KIF14: variants seen among roughly 807,000 people sequenced by gnomAD.
KIF14 encodes the protein kinesin family member 14.
Under a neutral mutation model 176.2 loss-of-function variants are expected in KIF14, and 98 were observed. The ratio of observed to expected loss-of-function variants is 0.56; its 90% confidence interval spans 0.47 to 0.66. KIF14 has a LOEUF of 0.66. Ranked by LOEUF, KIF14 falls within the 30% of genes least tolerant of loss-of-function variation. The pLI, the probability that KIF14 is intolerant of heterozygous loss-of-function variation, is 0.00. For synonymous variants in KIF14, 566 were observed against 632.2 expected (o/e 0.90, Z 1.57); for missense variants, 1,751 against 1,920.4 (o/e 0.91, Z 1.65).
intron 23 of KIF14, among the ~76,000 whole-genome samples, chr1:200,568,738 C>T (rs114804119): frequency 0.028 from 4,330 of 152,228 alleles, 275 homozygotes; most frequent in East Asian, 0.23. Flanking sequence ...TGGCTTTTGT[C>T]ACCATAGTTT....
chr1:200,563,709 A>G (rs1488924729), intron 25 of KIF14, among the ~76,000 whole-genome samples: 7 of 152,122 alleles, frequency 4.6e-5, no homozygotes, highest in Admixed American at 3.9e-4. Context: ...TTAATTTCTT[A>G]TCTGCTCCTT....
At chr1:200,568,323 CAT>C (rs1171320852) in intron 23 of KIF14, among the ~76,000 whole-genome samples, 1 of 152,148 alleles carries the variant, frequency 6.6e-6, no homozygotes, top group Non-Finnish European at 1.5e-5. Flanking sequence ...ACCACAGATA[CAT>C]ATCTTTTTAT....
intron 11 of KIF14, among the ~76,000 whole-genome samples, chr1:200,600,765 C>A (rs114368440): frequency 6.6e-6 from 1 of 152,138 alleles, no homozygotes; most frequent in Non-Finnish European, 1.5e-5. Context: ...CAAAGTGGAA[C>A]ACTTTTGAGA....
chr1:200,589,671 CTTTTTTTTTTTTTTTTT>C (rs1204882989), intron 17 of KIF14, among the ~76,000 whole-genome samples: 9 of 76,530 alleles, frequency 1.2e-4, no homozygotes, highest in Admixed American at 1.1e-3. Flanking sequence ...CAACTTTTTT[CTTTTTTTTTTTTTTTTT>C]TTTTTTTTTG....
At chr1:200,572,544 C>T (rs555631273) in intron 22 of KIF14, among the ~76,000 whole-genome samples, 11 of 152,172 alleles carry the variant, frequency 7.2e-5, no homozygotes, top group African/African-American at 9.6e-5. Context: ...GGGGTTTCAC[C>T]GTGTTAGCCA....
Position 200,602,097 on chromosome 1 carries a change from C to G in KIF14, c.1980-29G>C, listed in dbSNP as rs773291300. The G allele has an allele frequency of 3.1e-6, 5 of 1,591,444 alleles. No individual in the cohort carries two copies. The Admixed American group carries it at 8.6e-5, about 27-fold the overall frequency. On this transcript the variant is annotated intron_variant, in intron 10 of 29. Transcript: ENST00000367350. ...CAAGAAAAAAAGTCATAAGACTTTG[C>G]TTCTACAACAACTTAATAACAGTAA...
chr1:200,586,256 C>T (rs1426095190), intron 18 of KIF14, 29 bp from the exon 19 acceptor site: 21 of 1,504,050 alleles, frequency 1.4e-5, no homozygotes, highest in Non-Finnish European at 1.8e-5. Flanking sequence ...TACAGACCCA[C>T]ATGTGAGAAT....
intron 11 of KIF14, 128 bp downstream of exon 11, chr1:200,601,768 C>T (rs1659637933): frequency 1.5e-6 from 1 of 655,454 alleles, no homozygotes; most frequent in Non-Finnish European, 2.6e-6. Context: ...AGGCTGATGA[C>T]TAGAATCTAT....
chr1:200,607,301 G>A (rs1177796323), intron 5 of KIF14, among the ~76,000 whole-genome samples: 3 of 151,894 alleles, frequency 2.0e-5, no homozygotes, highest in East Asian at 2.0e-4. Context: ...CACCACACCA[G>A]CTAACTTTTG....
chr1:200,580,304 T>C lies in KIF14; in HGVS notation c.3415A>G (p.Ser1139Gly). Reference sequence around the variant, plus strand: ...AGTTTAGATTCAAACTTTTCCAGACTCCAGAATGTTGAGATTCCTAGTTTC... The same window carrying C: ...AGTTTAGATTCAAACTTTTCCAGACCCCAGAATGTTGAGATTCCTAGTTTC... ...NLKLGISTFWSLEKFESKLAA... is the reference protein window; with the variant it reads ...NLKLGISTFWGLEKFESKLAA... The change falls in exon 21 of 30, where the codon AGT becomes GGT. Residue 1139 changes from serine to glycine, a missense_variant. Physicochemically the swap from Ser to Gly is moderately conservative, Grantham distance 56. Coordinates refer to ENST00000367350, the MANE Select transcript of KIF14 (RefSeq NM_014875.3). The C allele has an allele frequency of 6.6e-7, 1 of 1,523,832 alleles. No homozygotes were observed. Among genetic ancestry groups the C allele is most frequent in the Non-Finnish European group, 8.9e-7 (1 of 1,129,054 alleles). 94.4% of individuals were successfully genotyped at this position (1,523,832 alleles called of 1,614,324 possible). A position where few individuals can be genotyped will look rare whatever the true frequency, so the allele number is the denominator to read the frequency against.
intron 19 of KIF14, among the ~76,000 whole-genome samples, chr1:200,584,245 T>TA (rs141190807): frequency 0.077 from 11,385 of 147,628 alleles, 628 homozygotes; most frequent in Non-Finnish European, 0.12. Context: ...CTCACAGGAC[T>TA]TAATGGCTTC....
chr1:200,576,514 C>T (rs1414432187), intron 21 of KIF14, among the ~76,000 whole-genome samples: 2 of 150,426 alleles, frequency 1.3e-5, no homozygotes, highest in African/African-American at 4.9e-5. Context: ...GTAAGTTAAA[C>T]CTAGGGTAAT....
At chr1:200,603,808 T>C (rs768513529) in intron 9 of KIF14, 31 bp downstream of exon 9, 1 of 1,333,064 alleles carries the variant, frequency 7.5e-7, no homozygotes, top group African/African-American at 1.4e-5. Flanking sequence ...GGAATAAATT[T>C]CATCAAAAGG....
intron 13 of KIF14, among the ~76,000 whole-genome samples, chr1:200,599,013 C>T (rs370422067): frequency 6.6e-6 from 1 of 152,148 alleles, no homozygotes; most frequent in Non-Finnish European, 1.5e-5. Context: ...TAGAATAGAT[C>T]AGTTTGTTTT....
At chr1:200,565,713 T>A in intron 23 of KIF14, 44 bp from the exon 24 acceptor site, 1 of 1,278,496 alleles carries the variant, frequency 7.8e-7, no homozygotes, top group South Asian at 1.5e-5. Flanking sequence ...TTTTCAGGAA[T>A]AATACTTTCT....
At chr1:200,612,671 A>C (rs75659415) in intron 4 of KIF14, among the ~76,000 whole-genome samples, 3,560 of 152,254 alleles carry the variant, frequency 0.023, 51 homozygotes, top group Non-Finnish European at 0.035. Context: ...GTATATCCAC[A>C]GAAGAGACAG....
chr1:200,562,321 T>C lies in KIF14; in HGVS notation c.4072-1441A>G, dbSNP rs570823008. Among the ~76,000 whole-genome samples, 189 of 152,076 alleles carry C rather than the reference T, an allele frequency of 1.2e-3. 3 individuals carry two copies. The highest frequency in any genetic ancestry group is 1.5e-3 in the Non-Finnish European group (102 of 68,022). On this transcript the variant is annotated intron_variant, in intron 25 of 29. Coordinates refer to ENST00000367350, the MANE Select transcript of KIF14 (RefSeq NM_014875.3). Reference sequence around the variant, plus strand: ...AGTTCAAAGTGTTCTTCTCAGAAAATGAAAAGAAGGAAAGAAACTACACAC... The same window carrying C: ...AGTTCAAAGTGTTCTTCTCAGAAAACGAAAAGAAGGAAAGAAACTACACAC...
intron 22 of KIF14, among the ~76,000 whole-genome samples, chr1:200,574,873 C>T (rs796937074): frequency 6.6e-6 from 1 of 150,584 alleles, no homozygotes; most frequent in African/African-American, 2.4e-5. Flanking sequence ...AGCTTTACTG[C>T]ATTTAAAATT....
chr1:200,618,252 T>C lies in KIF14; in HGVS notation c.472A>G (p.Lys158Glu). Residue 158 changes from lysine to glutamate, a missense_variant, in exon 2 of 30, where the codon AAG becomes GAG. Lys to Glu is a moderately conservative substitution (Grantham distance 56, BLOSUM62 1). Coordinates refer to ENST00000367350, the MANE Select transcript of KIF14 (RefSeq NM_014875.3). ...GGETENNGVSKESRTNVRIVN... is the reference protein window; with the variant it reads ...GGETENNGVSEESRTNVRIVN... ...ATCCTTACATTTGTTCTACTTTCCT[T>C]AGAAACACCATTATTTTCTGTTTCA... is the stretch of plus-strand genomic sequence containing the variant. 6.2e-7 allele frequency: 1 copy of C among 1,613,834 alleles called. No homozygotes were observed. Among genetic ancestry groups the C allele is most frequent in the Non-Finnish European group, 8.5e-7 (1 of 1,180,020 alleles).
Sources: gnomAD v4.1 joint callset for allele counts (sites outside exome capture counted in the v4.1 genomes callset) on GRCh38, gnomAD v4.1.1 for gene constraint, MANE v1.5 for transcripts, NCBI Gene and HGNC (gene_info 2026-07-23, HGNC 2026-07-21) for gene names.